The following CUL1 variants were observed in gnomAD, a reference collection of about 807,000 sequenced individuals.
CUL1 encodes cullin-1.
In CUL1, 24 loss-of-function variants were observed where a neutral mutation model predicts 118.0. The observed-to-expected ratio is 0.20, with a 90% CI of 0.15 to 0.29. CUL1 has a LOEUF of 0.29. Among genes scored for constraint, CUL1 ranks in the 10% least tolerant of loss-of-function variants. The pLI is 1.00. For synonymous variants in CUL1, 332 were observed against 340.4 expected, an observed-to-expected ratio of 0.98 and a Z score of 0.27; for missense variants, 361 against 933.8, an observed-to-expected ratio of 0.39 and a Z score of 7.99.
chr7:148,770,834 G>A (rs1479064924), intron 9 of CUL1, among the ~76,000 whole-genome samples: 1 of 152,166 alleles, frequency 6.6e-6, no homozygotes, highest in Admixed American at 6.5e-5. Flanking sequence ...TATCATTTAT[G>A]TGGTAAATGT....
At chr7:148,763,039 T>C (rs1198401622) in intron 7 of CUL1, among the ~76,000 whole-genome samples, 1 of 151,358 alleles carries the variant, frequency 6.6e-6, no homozygotes, top group Non-Finnish European at 1.5e-5. Flanking sequence ...CCCAGCTACT[T>C]GGGAAGCTGA....
chr7:148,766,427 T>G, intron 7 of CUL1, 134 bp from the exon 8 acceptor site: 1 of 765,128 alleles, frequency 1.3e-6, no homozygotes, highest in Non-Finnish European at 2.0e-6. Flanking sequence ...CTTATTTTCT[T>G]AATCGCATTT....
At chr7:148,747,132 C>T (rs747953601) in intron 2 of CUL1, among the ~76,000 whole-genome samples, 9 of 152,146 alleles carry the variant, frequency 5.9e-5, no homozygotes, top group Non-Finnish European at 1.3e-4. Context: ...ACTTCAGAAA[C>T]GGTGTAATTG....
intron 1 of CUL1, among the ~76,000 whole-genome samples, chr7:148,707,515 T>A (rs1332229167): frequency 6.6e-6 from 1 of 152,036 alleles, no homozygotes. Flanking sequence ...ATTTTTTTTT[T>A]AAGTTTCAGG....
At chr7:148,797,412 A>AAAG (rs1563172509) in intron 17 of CUL1, among the ~76,000 whole-genome samples, 3 of 151,474 alleles carry the variant, frequency 2.0e-5, no homozygotes, top group Admixed American at 2.0e-4. Context: ...AAAAAAAAAA[A>AAAG]ATGCTCATGG....
At chr7:148,792,239 CT>C (rs1387796841) in intron 16 of CUL1, among the ~76,000 whole-genome samples, 8 of 151,344 alleles carry the variant, frequency 5.3e-5, no homozygotes, top group South Asian at 4.2e-4. Flanking sequence ...ACTTTACTTA[CT>C]TTTTTCATAC....
At chr7:148,744,746 T>G (rs555150992) in intron 2 of CUL1, among the ~76,000 whole-genome samples, 9 of 152,246 alleles carry the variant, frequency 5.9e-5, no homozygotes, top group African/African-American at 1.9e-4. Context: ...CAGGATTCTA[T>G]TGTAGTGTCA....
chr7:148,749,873 G>A (rs1469077782), intron 2 of CUL1, among the ~76,000 whole-genome samples: 1 of 152,240 alleles, frequency 6.6e-6, no homozygotes, highest in Non-Finnish European at 1.5e-5. Context: ...CTAAGGAAAA[G>A]TTCTTGGAGG....
intron 9 of CUL1, among the ~76,000 whole-genome samples, chr7:148,775,279 A>G (rs1318786780): frequency 1.3e-5 from 2 of 152,210 alleles, no homozygotes; most frequent in Non-Finnish European, 2.9e-5. Context: ...CCAGTCATTG[A>G]TAAAATTAGC....
chr7:148,767,610 C>T lies in CUL1; in HGVS notation c.953-9C>T, dbSNP rs200868027. On this transcript the variant is annotated splice_polypyrimidine_tract_variant and intron_variant, in intron 8 of 21. Transcript: ENST00000325222. The stretch of plus-strand genomic sequence containing the variant: ...TTCAGTGCATAAAAGGGGTTTCTTC[C>T]TCTTTCAGATTTGGGACGCATGTAT... 8 of 1,612,856 alleles carry T rather than the reference C, an allele frequency of 5.0e-6. No homozygotes were observed. In the East Asian group the frequency reaches 1.6e-4, roughly 31 times the overall value.
intron 1 of CUL1, among the ~76,000 whole-genome samples, chr7:148,725,825 C>A (rs941668502): frequency 3.3e-5 from 5 of 152,108 alleles, no homozygotes; most frequent in Non-Finnish European, 5.9e-5. Context: ...TAGGGGATAT[C>A]AAAAATGTAA....
chr7:148,727,592 A>T (rs1331962844), intron 1 of CUL1, among the ~76,000 whole-genome samples: 1 of 152,212 alleles, frequency 6.6e-6, no homozygotes, highest in Admixed American at 6.5e-5. Context: ...AAGTGTTAAG[A>T]AGGGAAAATC....
At chr7:148,796,807 T>C (rs1801214201) in intron 17 of CUL1, among the ~76,000 whole-genome samples, 1 of 152,174 alleles carries the variant, frequency 6.6e-6, no homozygotes, top group Non-Finnish European at 1.5e-5. Flanking sequence ...GCTCAGGAAG[T>C]GGGCACCCCC....
chr7:148,711,763 G>A (rs1036113480), intron 1 of CUL1, among the ~76,000 whole-genome samples: 4 of 152,208 alleles, frequency 2.6e-5, no homozygotes, highest in African/African-American at 9.7e-5. Context: ...TGCTTATTGA[G>A]CAGATACTTA....
intron 9 of CUL1, among the ~76,000 whole-genome samples, chr7:148,773,831 T>C (rs1800305538): frequency 6.6e-6 from 1 of 152,168 alleles, no homozygotes; most frequent in Admixed American, 6.5e-5. Flanking sequence ...TGGTAGCATC[T>C]CCCCCTTGAA....
intron 1 of CUL1, among the ~76,000 whole-genome samples, chr7:148,724,916 T>A (rs1051615166): frequency 6.6e-6 from 1 of 152,198 alleles, no homozygotes; most frequent in Non-Finnish European, 1.5e-5. Flanking sequence ...CTATGAGACA[T>A]GATTTATGAG....
intron 1 of CUL1, among the ~76,000 whole-genome samples, chr7:148,728,526 T>A (rs1798657956): frequency 6.6e-6 from 1 of 152,110 alleles, no homozygotes; most frequent in South Asian, 2.1e-4. Context: ...CCCAAGTAGA[T>A]GATGAAAGGA....
intron 2 of CUL1, among the ~76,000 whole-genome samples, chr7:148,742,912 C>T (rs1050753670): frequency 6.6e-6 from 1 of 152,148 alleles, no homozygotes; most frequent in Non-Finnish European, 1.5e-5. Flanking sequence ...CTCTTTCTAC[C>T]TTTTCTGATA....
rs768981099 is a variant in CUL1 at position 148,792,747 on chromosome 7, A to G, written c.1828A>G (p.Ile610Val). 4.3e-6 allele frequency: 7 copies of G among 1,612,558 alleles called. No homozygotes were observed. The highest frequency in any genetic ancestry group is 2.2e-5 in the East Asian group (1 of 44,844). Residue 610 changes from isoleucine (I) to valine (V), a missense_variant, in exon 17 of 22, where the codon ATC (isoleucine) becomes GTC (valine). Transcript: ENST00000325222. ...TLQASTFQMA[I>V]LLQYNTEDAY... ...AAAGGCGTCGACATTCCAGATGGCT[A>G]TCCTGCTTCAGTACAACACGGAAGA...
Sources: allele counts gnomAD v4.1 joint callset (sites outside exome capture counted in the v4.1 genomes callset), GRCh38; gene constraint gnomAD v4.1.1; transcripts MANE v1.5; gene names NCBI Gene and HGNC (gene_info 2026-07-23, HGNC 2026-07-21).